Variants in SYNCRIP observed in about 807,000 individuals in gnomAD.
SYNCRIP encodes synaptotagmin binding cytoplasmic RNA interacting protein, also known as heterogeneous nuclear ribonucleoprotein Q.
SYNCRIP carries 9 observed loss-of-function variants against 68.9 expected under a neutral mutation model. That is an observed-to-expected ratio of 0.13 (90% CI 0.08 to 0.23). The LOEUF (loss-of-function observed/expected upper bound fraction) is 0.23. SYNCRIP is among the 10% of genes least tolerant of loss of function. The pLI is 1.00. For missense variants in SYNCRIP, 414 were observed against 770.6 expected (o/e 0.54, Z 5.48); for synonymous variants, 258 against 254.0 (o/e 1.02, Z -0.15).
intron 8 of SYNCRIP, among the ~76,000 whole-genome samples, chr6:85,620,264 T>A (rs955080422): frequency 2.6e-5 from 4 of 151,960 alleles, no homozygotes; most frequent in Non-Finnish European, 5.9e-5. Flanking sequence ...AACAAAAAAA[T>A]TTCCAAAAAT....
chr6:85,615,741 C>T (rs1303150316), intron 10 of SYNCRIP, among the ~76,000 whole-genome samples: 2 of 152,142 alleles, frequency 1.3e-5, no homozygotes, highest in East Asian at 1.9e-4. Context: ...ACCCAGGTGG[C>T]GGAGGCTGCA....
In SYNCRIP at chr6:85,623,571, A is replaced by AAAAAAC. The variant is rs1806677208; in HGVS notation, c.802+405_802+406insGTTTTT. Among the ~76,000 whole-genome samples, 2 of 147,876 alleles carry AAAAAAC rather than the reference A, an allele frequency of 1.4e-5. 1 individual carries two copies. Among genetic ancestry groups the AAAAAAC allele is most frequent in the African/African-American group, 5.2e-5 (2 of 38,452 alleles). On this transcript the variant is annotated intron_variant, in intron 7 of 10. Coordinates refer to ENST00000369622, the MANE Select transcript of SYNCRIP (RefSeq NM_006372.5). ...AAAGCAAGACTGTCTCCAAAAAAAA[A>AAAAAAC]AAAAAAAAAAAACACTCTGCTACGG...
chr6:85,640,261 A>G lies in SYNCRIP; in HGVS notation c.335T>C (p.Val112Ala), dbSNP rs2128304510. 1 of 1,613,876 alleles carries G rather than the reference A, an allele frequency of 6.2e-7. No individual in the cohort carries two copies. ...ATCTGGTCCTTTACTAGAATCTGCT[A>G]CTTTGGTCCCTTGTTTTTCTCTCTG... The part of the protein sequence containing the change: ...YRQREKQGTK[V>A]ADSSKGPDEA... Residue 112 changes from valine (V) to alanine (A), a missense_variant, in exon 4 of 11, where the codon GTA (valine) becomes GCA (alanine). Physicochemically the swap from Val to Ala is moderately conservative, Grantham distance 64. Around this residue, in one of 6 missense-constraint regions of SYNCRIP, gnomAD observed 110 missense variants for 269.3 expected, o/e 0.41. Coordinates refer to ENST00000369622, the MANE Select transcript of SYNCRIP (RefSeq NM_006372.5).
At chr6:85,619,512 TC>T in intron 8 of SYNCRIP, 95 bp from the exon 9 acceptor site, 1 of 1,103,326 alleles carries the variant, frequency 9.1e-7, no homozygotes, top group Non-Finnish European at 1.3e-6. Context: ...CAAATCACAA[TC>T]CATTAGAAGA....
At chr6:85,633,698 T>G (rs555897513) in intron 6 of SYNCRIP, among the ~76,000 whole-genome samples, 4 of 152,292 alleles carry the variant, frequency 2.6e-5, no homozygotes, top group African/African-American at 9.6e-5. Flanking sequence ...TCCCCCTTTT[T>G]GGTTTTTTGA....
At chr6:85,619,958 A>G (rs1316622166) in intron 8 of SYNCRIP, among the ~76,000 whole-genome samples, 3 of 152,180 alleles carry the variant, frequency 2.0e-5, no homozygotes, top group South Asian at 4.1e-4. Context: ...TGTAACTGCC[A>G]AAAATTTGCC....
chr6:85,609,876 A>C (rs1391453982), downstream of SYNCRIP: 1 of 151,942 alleles, frequency 6.6e-6, no homozygotes. Flanking sequence ...ATTTCTTTTA[A>C]CTTATCACTG....
chr6:85,620,959 T>G (rs959077991), intron 8 of SYNCRIP, among the ~76,000 whole-genome samples: 1 of 152,202 alleles, frequency 6.6e-6, no homozygotes, highest in Non-Finnish European at 1.5e-5. Context: ...TGGCCAAAAC[T>G]AATTAGGACC....
At chr6:85,640,133 A>C (rs1454768251) in intron 4 of SYNCRIP, 88 bp downstream of exon 4, 4 of 848,034 alleles carry the variant, frequency 4.7e-6, no homozygotes, top group Non-Finnish European at 1.9e-6. Context: ...CATCTAACAT[A>C]CATCCATTTC....
Position 85,639,853 on chromosome 6 carries a change from T to C in SYNCRIP, c.375+368A>G, listed in dbSNP as rs188824585. Among the ~76,000 whole-genome samples, 13 of 152,250 alleles carry C rather than the reference T, an allele frequency of 8.5e-5. No individual in the cohort carries two copies. The East Asian group carries it at 2.3e-3, about 27-fold the overall frequency. ...AGCAGGGTTAACATTCTAAATTCAT[T>C]GGGGTTTGAGACTCCTAAAAAAAAA... On this transcript the variant is annotated intron_variant, in intron 4 of 10. Transcript: ENST00000369622.
Position 85,637,006 on chromosome 6 carries a change from A to T in SYNCRIP, c.627T>A (p.Thr209=). 1 of 1,611,904 alleles carries T rather than the reference A, an allele frequency of 6.2e-7. No individual in the cohort carries two copies. The highest frequency in any genetic ancestry group is 1.1e-5 in the South Asian group (1 of 89,900). ...TGLNRGYAFV[T]FCTKEAAQEA... ...CCTGAGCTGCTTCTTTTGTACAAAAAGTGACAAACGCATAACCTCTATTGA... is the reference window on the plus strand; with the variant it reads ...CCTGAGCTGCTTCTTTTGTACAAAATGTGACAAACGCATAACCTCTATTGA... The change falls in exon 6 of 11, where the codon ACT becomes ACA. Residue 209 remains threonine, a synonymous_variant. Transcript: ENST00000369622.
chr6:85,636,926 C>A, intron 6 of SYNCRIP, 41 bp downstream of exon 6: 1 of 1,543,542 alleles, frequency 6.5e-7, no homozygotes, highest in South Asian at 1.3e-5. Flanking sequence ...ATATTAAAGA[C>A]AGTGAACGTG....
chr6:85,613,727 A>G (rs1330755629), downstream of SYNCRIP, among the ~76,000 whole-genome samples: 1 of 152,216 alleles, frequency 6.6e-6, no homozygotes, highest in Non-Finnish European at 1.5e-5. Context: ...GCAACTCACA[A>G]ATTACCCAAA....
intron 6 of SYNCRIP, among the ~76,000 whole-genome samples, chr6:85,628,303 G>A (rs566727390): frequency 7.1e-4 from 108 of 152,230 alleles, no homozygotes; most frequent in Non-Finnish European, 1.4e-3. Flanking sequence ...TGATCCGCCC[G>A]CCTCAGCCTC....
intron 10 of SYNCRIP, 100 bp from the exon 11 acceptor site, chr6:85,615,447 G>A (rs1024397074): frequency 1.5e-5 from 11 of 721,710 alleles, no homozygotes; most frequent in South Asian, 5.7e-5. Flanking sequence ...AGTTTACTTC[G>A]CATAATTCAC....
At chr6:85,625,307 T>A in intron 6 of SYNCRIP, among the ~76,000 whole-genome samples, 1 of 152,004 alleles carries the variant, frequency 6.6e-6, no homozygotes, top group East Asian at 1.9e-4. Flanking sequence ...TTAAAAAAAG[T>A]AAAAAGATGA....
intron 2 of SYNCRIP, among the ~76,000 whole-genome samples, 174 bp downstream of exon 2, chr6:85,641,118 C>T (rs1407474667): frequency 3.3e-5 from 5 of 152,114 alleles, no homozygotes; most frequent in Middle Eastern, 3.4e-3. Context: ...TCTCTTCTTC[C>T]CTCCCTCTAT....
At chr6:85,621,721 A>G in intron 8 of SYNCRIP, among the ~76,000 whole-genome samples, 1 of 152,110 alleles carries the variant, frequency 6.6e-6, no homozygotes, top group East Asian at 1.9e-4. Flanking sequence ...CAATGTCTCC[A>G]CTGACTGCTG....
chr6:85,617,421 T>C (rs918901843), intron 10 of SYNCRIP, among the ~76,000 whole-genome samples: 3 of 152,198 alleles, frequency 2.0e-5, no homozygotes, highest in Non-Finnish European at 4.4e-5. Flanking sequence ...CCATATATCG[T>C]CTTCTGAAAG....
Sources: gnomAD v4.1 joint callset for allele counts (sites outside exome capture counted in the v4.1 genomes callset) on GRCh38, gnomAD v4.1.1 for gene constraint, gnomAD v4.1.1 regional missense constraint, MANE v1.5 for transcripts, NCBI Gene and HGNC (gene_info 2026-07-23, HGNC 2026-07-21) for gene names.